CDH8: variants seen among roughly 807,000 people sequenced by gnomAD.
CDH8 encodes cadherin 8.
CDH8 carries 17 observed loss-of-function variants against 68.1 expected under a neutral mutation model. That is an observed-to-expected ratio of 0.25 (90% CI 0.17 to 0.37). The LOEUF is 0.37. Among genes scored for constraint, CDH8 ranks in the 10% least tolerant of loss-of-function variants. The probability of loss-of-function intolerance (pLI) is 1.00; values close to 1 mark genes in which losing one functional copy is unlikely to be tolerated. For missense variants in CDH8, 763 were observed against 999.3 expected, an observed-to-expected ratio of 0.76 and a Z score of 3.19; for synonymous variants, 372 against 365.1, an observed-to-expected ratio of 1.02 and a Z score of -0.21.
At chr16:62,022,460 C>G (rs1456653936) in intron 1 of CDH8, among the ~76,000 whole-genome samples, 1 of 151,974 alleles carries the variant, frequency 6.6e-6, no homozygotes. Context: ...TTCAGAAAGG[C>G]AAGGGCACAA....
At chr16:61,680,630 T>TACAC (rs1404676783) in intron 10 of CDH8, among the ~76,000 whole-genome samples, 1 of 151,098 alleles carries the variant, frequency 6.6e-6, no homozygotes, top group Non-Finnish European at 1.5e-5. Context: ...CCCTTCGTTT[T>TACAC]ACACACACAT....
intron 8 of CDH8, among the ~76,000 whole-genome samples, chr16:61,779,669 A>G (rs1030586012): frequency 6.6e-6 from 1 of 152,004 alleles, no homozygotes; most frequent in African/African-American, 2.4e-5. Context: ...TCTCTATTCT[A>G]TGTTCTTCAG....
chr16:61,776,063 T>A (rs1960892117), intron 8 of CDH8, among the ~76,000 whole-genome samples: 2 of 151,972 alleles, frequency 1.3e-5, no homozygotes, highest in Admixed American at 1.3e-4. Context: ...TGATAGGGAA[T>A]GTAAGAGTTG....
Position 61,713,951 on chromosome 16 carries a change from T to C in CDH8, c.1544A>G (p.Gln515Arg). 6.3e-7 allele frequency: 1 copy of C among 1,578,998 alleles called. No homozygotes were observed. The highest frequency in any genetic ancestry group is 8.7e-7 in the Non-Finnish European group (1 of 1,148,790). Reference sequence around the variant, plus strand: ...ATCTTTGTCCATGGCGCTAACAGTTTGAATGACCTGAAACATAAAACTTGA... The same window carrying C: ...ATCTTTGTCCATGGCGCTAACAGTTCGAATGACCTGAAACATAAAACTTGA... ...CENGKPGQVI[Q>R]TVSAMDKDDP... Residue 515 changes from glutamine to arginine, a missense_variant, in exon 10 of 12, where the codon CAA becomes CGA. Around this residue, in one of 2 missense-constraint regions of CDH8, gnomAD observed 397 missense variants for 436.2 expected, o/e 0.91. Transcript: ENST00000577390.
chr16:61,673,426 T>A (rs372932424), intron 10 of CDH8, among the ~76,000 whole-genome samples: 3 of 152,108 alleles, frequency 2.0e-5, no homozygotes, highest in African/African-American at 7.2e-5. Flanking sequence ...TAATCTGATA[T>A]AAGTCAACTT....
chr16:61,763,291 G>A (rs1020963659), intron 8 of CDH8, among the ~76,000 whole-genome samples: 1 of 152,108 alleles, frequency 6.6e-6, no homozygotes, highest in Non-Finnish European at 1.5e-5. Context: ...GCCAGGGTCA[G>A]AATAGATACC....
At chr16:61,859,994 C>A (rs938180578) in intron 3 of CDH8, among the ~76,000 whole-genome samples, 7 of 152,090 alleles carry the variant, frequency 4.6e-5, no homozygotes, top group African/African-American at 1.7e-4. Context: ...ACAGTGTGCT[C>A]CACCATGCCC....
intron 2 of CDH8, among the ~76,000 whole-genome samples, chr16:61,955,444 T>C (rs916194690): frequency 1.3e-5 from 2 of 152,196 alleles, no homozygotes; most frequent in African/African-American, 2.4e-5. Flanking sequence ...TCATAAACCT[T>C]GTACTACATG....
chr16:61,782,409 T>C (rs1192596629), intron 8 of CDH8, among the ~76,000 whole-genome samples: 9 of 151,854 alleles, frequency 5.9e-5, no homozygotes, highest in Admixed American at 1.3e-4. Flanking sequence ...ACCACGAGAC[T>C]ATATCCCACA....
At position 61,860,538 on chromosome 16, in the gene CDH8, A is replaced by G. The variant is rs372644040; in HGVS notation, c.548-3300T>C. On this transcript the variant is annotated intron_variant, in intron 3 of 11. Coordinates refer to ENST00000577390, the MANE Select transcript of CDH8 (RefSeq NM_001796.5). ...CTCTTCATGTAGAAGACCATATAAC[A>G]ATTTATTTTTTTGCTTTGTTTTGTA... is the stretch of plus-strand genomic sequence containing the variant. 7.9e-5 allele frequency among the ~76,000 whole-genome samples: 12 copies of G among 152,250 alleles called. No homozygotes were observed. In the East Asian group the frequency reaches 1.4e-3, roughly 17 times the overall value.
Position 61,652,324 on chromosome 16 carries a change from A to T in CDH8, c.*1284T>A. ...TATGTACAAATCAGTTCCTGCTCTA[A>T]AACTGTGGGGGTAAATTGAAGCATG... On this transcript the variant is annotated 3_prime_UTR_variant, in exon 12 of 12. Coordinates refer to ENST00000577390, the MANE Select transcript of CDH8 (RefSeq NM_001796.5). 1.0e-6 allele frequency: 1 copy of T among 985,080 alleles called. No homozygotes were observed. Among genetic ancestry groups the T allele is most frequent in the East Asian group, 1.1e-4 (1 of 8,786 alleles). 61.0% of individuals were successfully genotyped at this position (985,080 alleles called of 1,614,324 possible). A position where few individuals can be genotyped will look rare whatever the true frequency, so the allele number is the denominator to read the frequency against.
At chr16:61,971,458 T>C (rs945198395) in intron 2 of CDH8, among the ~76,000 whole-genome samples, 3 of 152,156 alleles carry the variant, frequency 2.0e-5, no homozygotes, top group African/African-American at 7.2e-5. Flanking sequence ...AAGATACCAA[T>C]GTACATCAGA....
intron 10 of CDH8, among the ~76,000 whole-genome samples, chr16:61,687,288 T>C (rs566404334): frequency 1.3e-5 from 2 of 151,982 alleles, no homozygotes; most frequent in African/African-American, 2.4e-5. Flanking sequence ...ATAAAGTACA[T>C]AAGAGTCAAT....
intron 1 of CDH8, among the ~76,000 whole-genome samples, chr16:62,026,570 A>T (rs1902203080): frequency 6.6e-6 from 1 of 152,206 alleles, no homozygotes; most frequent in Admixed American, 6.5e-5. Flanking sequence ...GACTGAACAC[A>T]TGGATTTGGG....
intron 2 of CDH8, among the ~76,000 whole-genome samples, chr16:61,998,198 T>G (rs1190182622): frequency 6.6e-6 from 1 of 152,190 alleles, no homozygotes; most frequent in African/African-American, 2.4e-5. Flanking sequence ...ATAAAATGAA[T>G]GAAGCAAAAT....
intron 1 of CDH8, among the ~76,000 whole-genome samples, chr16:62,022,556 AT>A (rs1902100299): frequency 6.6e-6 from 1 of 152,298 alleles, no homozygotes; most frequent in South Asian, 2.1e-4. Context: ...TCAAAAAAAA[AT>A]ATTTTTAAAG....
chr16:61,683,905 G>A (rs1376804006), intron 10 of CDH8, among the ~76,000 whole-genome samples: 1 of 151,942 alleles, frequency 6.6e-6, no homozygotes, highest in Non-Finnish European at 1.5e-5. Flanking sequence ...AAGATTCTAT[G>A]AAAGGCATTA....
chr16:61,849,091 T>G (rs1261386758), intron 4 of CDH8, among the ~76,000 whole-genome samples: 1 of 152,098 alleles, frequency 6.6e-6, no homozygotes, highest in African/African-American at 2.4e-5. Context: ...CAATTTTTGT[T>G]GTAATATTGA....
At chr16:61,722,684 T>C (rs1487254871) in intron 9 of CDH8, among the ~76,000 whole-genome samples, 1 of 150,820 alleles carries the variant, frequency 6.6e-6, no homozygotes, top group African/African-American at 2.4e-5. Flanking sequence ...AATGAAATTA[T>C]TTAGAGCCAT....
Sources: allele counts gnomAD v4.1 joint callset (sites outside exome capture counted in the v4.1 genomes callset), GRCh38; gene constraint gnomAD v4.1.1; regional missense constraint gnomAD v4.1.1; transcripts MANE v1.5; gene names NCBI Gene and HGNC (gene_info 2026-07-23, HGNC 2026-07-21).